The following CSNK1G1 variants were observed in gnomAD, a reference collection of about 807,000 sequenced individuals.
CSNK1G1 encodes the protein casein kinase I isoform gamma-1.
In CSNK1G1, 22 loss-of-function variants were observed where a neutral mutation model predicts 59.6. The ratio of observed to expected loss-of-function variants is 0.37; its 90% CI spans 0.26 to 0.53. The LOEUF is 0.53. Ranked by LOEUF, CSNK1G1 falls within the 20% of genes least tolerant of loss-of-function variation. CSNK1G1 has a pLI of 0.89. For synonymous variants in CSNK1G1, 179 were observed against 177.1 expected (o/e 1.01, Z -0.08); for missense variants, 384 against 519.5 (o/e 0.74, Z 2.54).
chr15:64,274,033 T>G (rs1040219629), intron 2 of CSNK1G1, among the ~76,000 whole-genome samples: 1 of 152,240 alleles, frequency 6.6e-6, no homozygotes, highest in African/African-American at 2.4e-5. Context: ...CACAGAAGTA[T>G]AATAAGTGAG....
intron 1 of CSNK1G1, among the ~76,000 whole-genome samples, chr15:64,303,753 GA>G (rs66734118): frequency 0.014 from 1,549 of 113,968 alleles, 16 homozygotes; most frequent in African/African-American, 0.037. Context: ...CCCGTCTCAA[GA>G]AAAAAAAAAA....
At chr15:64,345,627 T>C (rs1379676322) in intron 1 of CSNK1G1, among the ~76,000 whole-genome samples, 1 of 152,178 alleles carries the variant, frequency 6.6e-6, no homozygotes, top group Non-Finnish European at 1.5e-5. Context: ...TAAGACCTAA[T>C]AACCTAAAAT....
chr15:64,217,197 G>A (rs2082322968), intron 4 of CSNK1G1, among the ~76,000 whole-genome samples: 1 of 152,230 alleles, frequency 6.6e-6, no homozygotes, highest in African/African-American at 2.4e-5. Context: ...AAGAGGCAAG[G>A]TCACAGAGCG....
intron 1 of CSNK1G1, among the ~76,000 whole-genome samples, chr15:64,339,133 C>T (rs1189652087): frequency 1.3e-5 from 2 of 152,102 alleles, no homozygotes; most frequent in East Asian, 3.8e-4. Flanking sequence ...ACAAGGGATA[C>T]AGTCAAGTGA....
chr15:64,330,410 G>A (rs1248395672), intron 1 of CSNK1G1, among the ~76,000 whole-genome samples: 1 of 151,280 alleles, frequency 6.6e-6, no homozygotes, highest in African/African-American at 2.4e-5. Flanking sequence ...TATAAACAGA[G>A]CCAAAGACAA....
At chr15:64,245,086 C>CA (rs144140188) in intron 4 of CSNK1G1, among the ~76,000 whole-genome samples, 7,506 of 149,596 alleles carry the variant, frequency 0.05, 232 homozygotes, top group South Asian at 0.087. Flanking sequence ...TCTAACTATA[C>CA]AAAAAAAAAC....
intron 10 of CSNK1G1, among the ~76,000 whole-genome samples, chr15:64,186,960 C>A (rs2081904839): frequency 6.6e-6 from 1 of 150,400 alleles, no homozygotes; most frequent in East Asian, 2.0e-4. Flanking sequence ...GTAGCTGGAA[C>A]TATAGGCATG....
At position 64,166,990 on chromosome 15, in the gene CSNK1G1, G is replaced by A. The variant is rs371228372; in HGVS notation, c.*4941C>T. The A allele has an allele frequency of 7.9e-5, 12 of 152,346 alleles. No homozygotes were observed. The South Asian group carries it at 1.4e-3, about 18-fold the overall frequency. 9.4% of individuals were successfully genotyped at this position (152,346 alleles called of 1,614,324 possible). On this transcript the variant is annotated 3_prime_UTR_variant, in exon 12 of 12. Transcript: ENST00000303052. This position sits in a 1 kb window ranked among gnomAD's most constrained non-coding sequence, Gnocchi z 4.5. ...ATCAAACTAGAAATACAAGGAATACGTGTTCACTTTTTCCCTTGAAAGGTG... is the reference window on the plus strand; with the variant it reads ...ATCAAACTAGAAATACAAGGAATACATGTTCACTTTTTCCCTTGAAAGGTG...
chr15:64,280,808 T>C (rs1438104927), intron 2 of CSNK1G1, among the ~76,000 whole-genome samples: 1 of 152,180 alleles, frequency 6.6e-6, no homozygotes, highest in Non-Finnish European at 1.5e-5. Flanking sequence ...AAATGTCCAT[T>C]GATGAGTGAA....
At chr15:64,227,277 T>C (rs1325177066) in intron 4 of CSNK1G1, among the ~76,000 whole-genome samples, 1 of 152,254 alleles carries the variant, frequency 6.6e-6, no homozygotes, top group African/African-American at 2.4e-5. Flanking sequence ...AAGACAGTTC[T>C]GCTGGGCAAG....
At chr15:64,235,882 AAG>A (rs2082607534) in intron 4 of CSNK1G1, among the ~76,000 whole-genome samples, 1 of 152,190 alleles carries the variant, frequency 6.6e-6, no homozygotes, top group Non-Finnish European at 1.5e-5. Flanking sequence ...TAAGGGAAGA[AAG>A]AGAAAAAAGA....
chr15:64,243,113 G>A (rs749080814), intron 4 of CSNK1G1, among the ~76,000 whole-genome samples: 38 of 151,972 alleles, frequency 2.5e-4, no homozygotes, highest in Admixed American at 5.2e-4. Flanking sequence ...TGAGGAGGGC[G>A]GATCATGAGG....
chr15:64,301,594 A>C (rs1332567549), intron 1 of CSNK1G1, among the ~76,000 whole-genome samples: 2 of 152,228 alleles, frequency 1.3e-5, no homozygotes, highest in Admixed American at 6.5e-5. Context: ...CTTAAAACTT[A>C]AGTGAAAAGA....
chr15:64,174,884 C>T (rs377137626), intron 11 of CSNK1G1, among the ~76,000 whole-genome samples: 1 of 152,050 alleles, frequency 6.6e-6, no homozygotes, highest in Admixed American at 6.5e-5. Flanking sequence ...ACCTCTTGGC[C>T]CCTCAGCCTC....
chr15:64,285,346 T>C (rs1056787410), intron 2 of CSNK1G1, among the ~76,000 whole-genome samples: 1 of 152,140 alleles, frequency 6.6e-6, no homozygotes, highest in Admixed American at 6.6e-5. Flanking sequence ...ATTTTTGTGA[T>C]GACATTGCAA....
intron 4 of CSNK1G1, among the ~76,000 whole-genome samples, chr15:64,217,171 T>C (rs1188454433): frequency 6.6e-6 from 1 of 152,230 alleles, no homozygotes; most frequent in East Asian, 1.9e-4. Context: ...TGTTGCCCTA[T>C]GGACAACTCA....
chr15:64,323,697 T>C (rs962181046), intron 1 of CSNK1G1, among the ~76,000 whole-genome samples: 2 of 152,106 alleles, frequency 1.3e-5, no homozygotes, highest in African/African-American at 4.8e-5. Context: ...ATATAAACAA[T>C]TTCACCCATC....
intron 1 of CSNK1G1, among the ~76,000 whole-genome samples, chr15:64,319,606 C>T (rs1309681677): frequency 1.3e-5 from 2 of 152,132 alleles, no homozygotes; most frequent in Non-Finnish European, 2.9e-5. Context: ...AGTGCAGTGG[C>T]ACGATCTCGC....
rs758518663 is a variant in CSNK1G1 at position 64,300,549 on chromosome 15, T to C, written c.-50A>G. The C allele has an allele frequency of 5.2e-6, 8 of 1,553,012 alleles. No individual in the cohort carries two copies. In the Admixed American group the frequency reaches 7.7e-5, roughly 15 times the overall value. ...TAGTACAGCAAGTAGCTTCAGTATG[T>C]ATACCTCTCTTCAATACAAAAGTAT... On this transcript the variant is annotated 5_prime_UTR_variant, in exon 2 of 12. The change creates a new upstream start codon in the 5' untranslated region. Transcript: ENST00000303052.
Sources: allele counts gnomAD v4.1 joint callset (sites outside exome capture counted in the v4.1 genomes callset), GRCh38; gene constraint gnomAD v4.1.1; non-coding constraint Gnocchi (gnomAD v3.1); transcripts MANE v1.5; gene names NCBI Gene and HGNC (gene_info 2026-07-23, HGNC 2026-07-21).